Variants in PRKN observed in about 807,000 individuals in gnomAD.
PRKN encodes the protein E3 ubiquitin-protein ligase parkin.
In PRKN, 56 loss-of-function variants were observed where a neutral mutation model predicts 59.5. That is an observed-to-expected ratio of 0.94 (90% CI 0.76 to 1.18). The LOEUF (loss-of-function observed/expected upper bound fraction) is 1.18, where lower values mean the gene tolerates loss of function less well. Among genes scored for constraint, PRKN ranks in the 50% most tolerant of loss-of-function variants. The probability of loss-of-function intolerance (pLI) is 0.00; values close to 1 mark genes in which losing one functional copy is unlikely to be tolerated. For synonymous variants in PRKN, 250 were observed against 222.1 expected, an observed-to-expected ratio of 1.13 and a Z score of -1.12; for missense variants, 657 against 596.4, an observed-to-expected ratio of 1.10 and a Z score of -1.06.
chr6:162,137,243 G>A (rs1409450001), intron 4 of PRKN, among the ~76,000 whole-genome samples: 1 of 152,100 alleles, frequency 6.6e-6, no homozygotes, highest in African/African-American at 2.4e-5. Context: ...TGTTGCACAG[G>A]CTTAGAAATC....
At chr6:162,668,645 C>T (rs767196991) in intron 1 of PRKN, among the ~76,000 whole-genome samples, 14 of 152,152 alleles carry the variant, frequency 9.2e-5, no homozygotes, top group Non-Finnish European at 1.9e-4. Context: ...CAAACAGCCA[C>T]TCAAGAAGTT....
At chr6:161,957,410 T>G (rs1562418010) in intron 6 of PRKN, among the ~76,000 whole-genome samples, 2 of 124,236 alleles carry the variant, frequency 1.6e-5, no homozygotes, top group African/African-American at 3.7e-5. Context: ...GTTCTTGTTG[T>G]TTTTTTTTTG....
At chr6:162,020,369 CAAAG>C (rs1783099293) in intron 5 of PRKN, among the ~76,000 whole-genome samples, 1 of 69,298 alleles carries the variant, frequency 1.4e-5, no homozygotes, top group Non-Finnish European at 3.3e-5. Context: ...CAGATAAAAA[CAAAG>C]AAACATACAA....
intron 9 of PRKN, among the ~76,000 whole-genome samples, chr6:161,427,144 T>TGGTA (rs1788404443): frequency 2.0e-5 from 3 of 152,006 alleles, no homozygotes; most frequent in Admixed American, 6.6e-5. Flanking sequence ...TCAGCCTCCC[T>TGGTA]GGTAGCTGGG....
chr6:162,163,669 T>C (rs1893546), intron 4 of PRKN, among the ~76,000 whole-genome samples: 1 of 149,236 alleles, frequency 6.7e-6, no homozygotes, highest in East Asian at 1.9e-4. Context: ...CACATTGCAC[T>C]GCCCTGAGCA....
intron 5 of PRKN, among the ~76,000 whole-genome samples, chr6:162,028,260 C>T (rs1462387306): frequency 1.3e-5 from 2 of 152,170 alleles, no homozygotes; most frequent in African/African-American, 4.8e-5. Context: ...TTAAACATTG[C>T]CATCAGTTTT....
At chr6:161,383,619 C>A (rs13219048) in intron 10 of PRKN, among the ~76,000 whole-genome samples, 1 of 152,200 alleles carries the variant, frequency 6.6e-6, no homozygotes, top group South Asian at 2.1e-4. Context: ...TGTCATGAGG[C>A]CCCTTCTCCA....
At chr6:162,274,180 A>ATTT (rs1562631892) in intron 2 of PRKN, among the ~76,000 whole-genome samples, 18 of 151,330 alleles carry the variant, frequency 1.2e-4, no homozygotes, top group African/African-American at 4.4e-4. Context: ...TTAATTTATT[A>ATTT]ATGTATTTAT....
intron 2 of PRKN, among the ~76,000 whole-genome samples, chr6:162,422,961 A>AG (rs1345022139): frequency 6.6e-6 from 1 of 150,864 alleles, no homozygotes; most frequent in East Asian, 1.9e-4. Context: ...GACCAAAAAA[A>AG]AAAAAAAAAA....
chr6:162,531,088 C>T (rs1778495019), intron 1 of PRKN, among the ~76,000 whole-genome samples: 1 of 147,782 alleles, frequency 6.8e-6, no homozygotes, highest in Admixed American at 6.8e-5. Flanking sequence ...ATGTACAGGC[C>T]AGGCGTGGTG....
chr6:162,492,827 C>G (rs934014975), intron 1 of PRKN, among the ~76,000 whole-genome samples: 12 of 152,008 alleles, frequency 7.9e-5, no homozygotes, highest in Non-Finnish European at 1.2e-4. Flanking sequence ...GTGACACATG[C>G]CTGTAGTCCC....
At chr6:162,255,879 A>C (rs915790737) in intron 3 of PRKN, among the ~76,000 whole-genome samples, 1 of 152,208 alleles carries the variant, frequency 6.6e-6, no homozygotes, top group African/African-American at 2.4e-5. Flanking sequence ...ATTTTCATTT[A>C]ATCCACTGAA....
chr6:162,463,760 C>T (rs1791282700), intron 1 of PRKN, among the ~76,000 whole-genome samples: 1 of 152,136 alleles, frequency 6.6e-6, no homozygotes, highest in Non-Finnish European at 1.5e-5. Context: ...AGCTGAGTGA[C>T]TGTATATGAT....
At chr6:161,998,467 T>A (rs1314701633) in intron 5 of PRKN, among the ~76,000 whole-genome samples, 1 of 152,148 alleles carries the variant, frequency 6.6e-6, no homozygotes, top group Non-Finnish European at 1.5e-5. Context: ...AAATATTTAT[T>A]TGTTTTGTCC....
chr6:161,530,260 T>C lies in PRKN; in HGVS notation c.1083+18594A>G, dbSNP rs1313850714. ...AAAGGAAGGGTTGTAAATTTAGACA[T>C]TTTTTGAAGATTCACGTGTTTGGTT... is the stretch of plus-strand genomic sequence containing the variant. On this transcript the variant is annotated intron_variant, in intron 9 of 11. Transcript: ENST00000366898. The surrounding 1 kb of genome is among the most constrained non-coding windows in gnomAD (Gnocchi z 5.0). Among the ~76,000 whole-genome samples the C allele has an allele frequency of 6.6e-6, 1 of 152,212 alleles. No individual in the cohort carries two copies. The highest frequency in any genetic ancestry group is 2.4e-5 in the African/African-American group (1 of 41,466).
At chr6:161,979,934 C>A (rs1583435544) in intron 5 of PRKN, among the ~76,000 whole-genome samples, 1 of 152,112 alleles carries the variant, frequency 6.6e-6, no homozygotes. Context: ...AATAAATAGC[C>A]CAGCAAAATC....
chr6:162,687,200 T>C (rs1777598389), intron 1 of PRKN, among the ~76,000 whole-genome samples: 1 of 151,078 alleles, frequency 6.6e-6, no homozygotes. Flanking sequence ...TTTTTTTTTT[T>C]TTTGAGACAG....
chr6:162,236,711 C>A (rs1197811397), intron 3 of PRKN, among the ~76,000 whole-genome samples: 1 of 152,004 alleles, frequency 6.6e-6, no homozygotes, highest in Admixed American at 6.6e-5. Context: ...AGGAGCATCG[C>A]TTGAACCTGG....
chr6:162,375,880 C>T (rs1438425792), intron 2 of PRKN, among the ~76,000 whole-genome samples: 1 of 151,952 alleles, frequency 6.6e-6, no homozygotes, highest in Non-Finnish European at 1.5e-5. Context: ...GACATGGACC[C>T]ACGGTTCTTG....
Sources: allele counts gnomAD v4.1 joint callset (sites outside exome capture counted in the v4.1 genomes callset), GRCh38; gene constraint gnomAD v4.1.1; non-coding constraint Gnocchi (gnomAD v3.1); transcripts MANE v1.5; gene names NCBI Gene and HGNC (gene_info 2026-07-23, HGNC 2026-07-21).